CDH2: variants seen among roughly 807,000 people sequenced by gnomAD.
CDH2 encodes the protein cadherin-2.
A neutral mutation model predicts 92.0 loss-of-function variants in CDH2; 17 were observed. The ratio of observed to expected loss-of-function variants is 0.18; its 90% CI spans 0.13 to 0.28. CDH2 has a LOEUF of 0.28. CDH2 is among the 10% of genes least tolerant of loss of function. The pLI is 1.00. For synonymous variants in CDH2, 419 were observed against 415.9 expected (o/e 1.01, Z -0.09); for missense variants, 862 against 1,133.1 (o/e 0.76, Z 3.44).
At chr18:28,012,058 T>C (rs1241728428) in intron 3 of CDH2, 66 bp from the exon 4 acceptor site, 5 of 1,337,278 alleles carry the variant, frequency 3.7e-6, no homozygotes, top group South Asian at 2.6e-5. Context: ...TACATCAATA[T>C]TATTGAATAC....
At chr18:28,052,582 G>C (rs1473655229) in intron 2 of CDH2, among the ~76,000 whole-genome samples, 1 of 152,158 alleles carries the variant, frequency 6.6e-6, no homozygotes, top group African/African-American at 2.4e-5. Context: ...TTTAACTTCA[G>C]TGTTACATGG....
intron 4 of CDH2, among the ~76,000 whole-genome samples, chr18:28,010,273 A>T (rs1011800861): frequency 1.3e-5 from 2 of 152,152 alleles, no homozygotes; most frequent in Admixed American, 6.5e-5. Context: ...AACAAGAATT[A>T]ATTGTCTATC....
intron 2 of CDH2, among the ~76,000 whole-genome samples, chr18:28,123,771 C>A (rs17446692): frequency 0.055 from 8,310 of 152,142 alleles, 323 homozygotes; most frequent in Non-Finnish European, 0.08. Flanking sequence ...TCAGACTAAA[C>A]CCCTAACTGT....
downstream of CDH2, among the ~76,000 whole-genome samples, chr18:27,950,226 ATATAGT>A (rs1173712813): frequency 6.6e-6 from 1 of 152,094 alleles, no homozygotes; most frequent in African/African-American, 2.4e-5. Flanking sequence ...TAAGCAAAAA[ATATAGT>A]TAGAGGAGGT....
intron 6 of CDH2, among the ~76,000 whole-genome samples, chr18:28,004,339 G>A (rs1468685978): frequency 6.6e-6 from 1 of 152,142 alleles, no homozygotes; most frequent in Admixed American, 6.5e-5. Flanking sequence ...GAATAAAAAG[G>A]TATCTTTCAG....
At chr18:28,037,125 T>G (rs575815901) in intron 2 of CDH2, among the ~76,000 whole-genome samples, 1 of 152,286 alleles carries the variant, frequency 6.6e-6, no homozygotes, top group African/African-American at 2.4e-5. Context: ...ATATCCTAAA[T>G]TGGGTATGAA....
At chr18:28,043,457 AATAAAT>A (rs1567976347) in intron 2 of CDH2, among the ~76,000 whole-genome samples, 5 of 57,086 alleles carry the variant, frequency 8.8e-5, no homozygotes, top group African/African-American at 1.6e-4. Context: ...TACTGATATA[AATAAAT>A]ATATATATAT....
At chr18:27,987,987 T>A (rs934676452) in intron 11 of CDH2, among the ~76,000 whole-genome samples, 7 of 152,002 alleles carry the variant, frequency 4.6e-5, no homozygotes, top group Non-Finnish European at 8.8e-5. Flanking sequence ...AAAGTCCTTA[T>A]CTATTAATCT....
At chr18:27,979,019 C>T (rs2011948664) in intron 14 of CDH2, among the ~76,000 whole-genome samples, 1 of 151,318 alleles carries the variant, frequency 6.6e-6, no homozygotes, top group African/African-American at 2.4e-5. Flanking sequence ...AACTGGACAA[C>T]ATAAAAAATA....
At chr18:28,040,628 CA>C (rs967957081) in intron 2 of CDH2, among the ~76,000 whole-genome samples, 1 of 152,080 alleles carries the variant, frequency 6.6e-6, no homozygotes, top group Non-Finnish European at 1.5e-5. Context: ...GCAGAGCAAA[CA>C]ATATAAAGTA....
At chr18:28,043,890 A>ATTGTTTTTTTTTTT (rs2014013791) in intron 2 of CDH2, among the ~76,000 whole-genome samples, 1 of 91,454 alleles carries the variant, frequency 1.1e-5, no homozygotes. Flanking sequence ...AGAATCTCGG[A>ATTGTTTTTTTTTTT]TTTTTTTTTT....
At chr18:28,156,057 T>A (rs1252788038) in intron 1 of CDH2, among the ~76,000 whole-genome samples, 1 of 152,222 alleles carries the variant, frequency 6.6e-6, no homozygotes, top group Non-Finnish European at 1.5e-5. Context: ...AACTCTTTCT[T>A]GCCTTCATGA....
chr18:27,933,701 A>AT (rs1908956532), intron 6 of CDH2, among the ~76,000 whole-genome samples: 1 of 152,240 alleles, frequency 6.6e-6, no homozygotes, highest in Non-Finnish European at 1.5e-5. Flanking sequence ...GGATGCCCGA[A>AT]GTCACTAAGC....
chr18:28,164,047 G>C (rs892244961), intron 1 of CDH2, among the ~76,000 whole-genome samples: 2 of 152,180 alleles, frequency 1.3e-5, no homozygotes, highest in Admixed American at 1.3e-4. Context: ...CCTTTAAATA[G>C]TACACATACA....
intron 1 of CDH2, among the ~76,000 whole-genome samples, chr18:28,154,707 T>G (rs1436246819): frequency 6.6e-6 from 1 of 152,214 alleles, no homozygotes. Flanking sequence ...TCACTCAATC[T>G]GCTTTCCAAT....
In CDH2 at chr18:27,935,680, A is replaced by G. The variant is rs138537801; in HGVS notation, c.1152-2556T>C. On this transcript the variant is annotated intron_variant, in intron 6 of 6. Transcript: ENST00000675173. The stretch of plus-strand genomic sequence containing the variant: ...GACTTATCTCTACATTAGACCAGAA[A>G]GTCTTTGAGGGCAGACTACAAGTCT... 1.1e-4 allele frequency among the ~76,000 whole-genome samples: 17 copies of G among 151,410 alleles called. No homozygotes were observed. The East Asian group carries it at 3.1e-3, about 28-fold the overall frequency.
chr18:27,960,114 T>G (rs1374648252), intron 15 of CDH2, among the ~76,000 whole-genome samples: 1 of 152,054 alleles, frequency 6.6e-6, no homozygotes, highest in Non-Finnish European at 1.5e-5. Flanking sequence ...TTTCATCCAT[T>G]CACTTGGTTC....
chr18:28,122,079 C>G (rs1310467618), intron 2 of CDH2, among the ~76,000 whole-genome samples: 4 of 152,050 alleles, frequency 2.6e-5, no homozygotes, highest in Non-Finnish European at 5.9e-5. Flanking sequence ...ATATTCAAAA[C>G]CTTGAAAGTT....
At chr18:28,100,983 G>A in intron 2 of CDH2, among the ~76,000 whole-genome samples, 1 of 152,128 alleles carries the variant, frequency 6.6e-6, no homozygotes. Context: ...AAAATGTGAA[G>A]TTCTGCAAAA....
Sources: gnomAD v4.1 joint callset for allele counts (sites outside exome capture counted in the v4.1 genomes callset) on GRCh38, gnomAD v4.1.1 for gene constraint, MANE v1.5 for transcripts, NCBI Gene and HGNC (gene_info 2026-07-23, HGNC 2026-07-21) for gene names.